The following RUFY3 variants were observed in gnomAD, a reference collection of about 807,000 sequenced individuals.
The protein encoded by RUFY3 is protein RUFY3.
In RUFY3, 34 loss-of-function variants were observed where a neutral mutation model predicts 84.0. The observed-to-expected ratio is 0.40, with a 90% CI of 0.31 to 0.54. RUFY3 has a LOEUF of 0.54. Among genes scored for constraint, RUFY3 ranks in the 20% least tolerant of loss-of-function variants. The pLI is 0.39. For missense variants in RUFY3, 507 were observed against 736.8 expected (o/e 0.69, Z 3.61); for synonymous variants, 242 against 252.9 (o/e 0.96, Z 0.41).
intron 1 of RUFY3, among the ~76,000 whole-genome samples, chr4:70,716,320 A>G (rs936446647): frequency 5.9e-5 from 9 of 151,420 alleles, no homozygotes; most frequent in African/African-American, 2.2e-4. Context: ...TAATTTTTGT[A>G]TTTTTACTAG....
intron 1 of RUFY3, among the ~76,000 whole-genome samples, chr4:70,755,833 C>T (rs773634616): frequency 2.0e-4 from 30 of 151,944 alleles, no homozygotes; most frequent in Non-Finnish European, 3.7e-4. Context: ...TGCCTGTAGT[C>T]CCAGCTACTC....
At chr4:70,706,267 G>A (rs183532038) in intron 1 of RUFY3, among the ~76,000 whole-genome samples, 3 of 152,256 alleles carry the variant, frequency 2.0e-5, no homozygotes, top group Non-Finnish European at 2.9e-5. Flanking sequence ...TGCCTGAAGC[G>A]ATGAGGGAAG....
rs757073456 is a variant in RUFY3, at chr4:70,775,213, A to G, written c.804A>G (p.Glu268=). 1 of 1,594,744 alleles carries G rather than the reference A, an allele frequency of 6.3e-7. No individual in the cohort carries two copies. The highest frequency in any genetic ancestry group is 8.6e-7 in the Non-Finnish European group (1 of 1,166,474). ...TAILDQKNYV[E]ELNRHLNATV... The stretch of plus-strand genomic sequence containing the variant: ...TTCTGGACCAGAAGAACTATGTAGA[A>G]GAACTGAACAGACATTTGAAGTAAA... Residue 268 remains glutamate (E), a synonymous_variant, in exon 7 of 18, where the codon GAA becomes GAG. Transcript: ENST00000381006.
At chr4:70,726,106 T>G (rs1019988945) in intron 1 of RUFY3, among the ~76,000 whole-genome samples, 1 of 152,112 alleles carries the variant, frequency 6.6e-6, no homozygotes. Flanking sequence ...TTTAAAATGG[T>G]CTGGGTAAGA....
chr4:70,751,590 T>C (rs1723142300), intron 1 of RUFY3, among the ~76,000 whole-genome samples: 1 of 152,226 alleles, frequency 6.6e-6, no homozygotes, highest in Non-Finnish European at 1.5e-5. Context: ...CATTCTTTTT[T>C]ACTAGGATTA....
chr4:70,775,961 A>AAAAAAAAAAAAAGAG (rs1727902205), intron 7 of RUFY3, among the ~76,000 whole-genome samples: 1 of 151,124 alleles, frequency 6.6e-6, no homozygotes, highest in African/African-American at 2.4e-5. Flanking sequence ...AAAAAAACGA[A>AAAAAAAAAAAAAGAG]AAAAAAGATA....
exon 1 of RUFY3, chr4:70,705,087 C>T (rs1216518331): frequency 1.5e-6 from 2 of 1,325,614 alleles, no homozygotes; most frequent in Non-Finnish European, 1.9e-6. Context: ...GCCGGCCTCC[C>T]CCGCCGGGCA....
chr4:70,770,602 TG>T (rs1297593618), intron 5 of RUFY3, among the ~76,000 whole-genome samples: 1 of 152,312 alleles, frequency 6.6e-6, no homozygotes, highest in East Asian at 1.9e-4. Flanking sequence ...CTGAATTAGG[TG>T]TTGGCTTAAG....
chr4:70,729,886 A>C (rs1368551453), intron 1 of RUFY3, among the ~76,000 whole-genome samples: 2,944 of 152,032 alleles, frequency 0.019, 109 homozygotes, highest in African/African-American at 0.067. Flanking sequence ...AATTGATTAA[A>C]AATCCACAAG....
chr4:70,791,380 G>A, intron 12 of RUFY3: 6 of 1,565,456 alleles, frequency 3.8e-6, no homozygotes, highest in Non-Finnish European at 5.2e-6. Context: ...CTACATTTAA[G>A]CTCTGATTCT....
intron 9 of RUFY3, among the ~76,000 whole-genome samples, chr4:70,783,555 A>G (rs1729290209): frequency 6.6e-6 from 1 of 152,234 alleles, no homozygotes; most frequent in Admixed American, 6.5e-5. Context: ...ACTGGGAAAG[A>G]GCTACCATAT....
intron 1 of RUFY3, among the ~76,000 whole-genome samples, chr4:70,744,697 C>T (rs1465345545): frequency 1.3e-5 from 2 of 150,374 alleles, no homozygotes; most frequent in African/African-American, 4.9e-5. Flanking sequence ...TCTTGTTGCC[C>T]AGGCTGGAGT....
At chr4:70,712,705 A>G (rs1376375912) in intron 1 of RUFY3, among the ~76,000 whole-genome samples, 2 of 152,214 alleles carry the variant, frequency 1.3e-5, no homozygotes, top group Non-Finnish European at 2.9e-5. Flanking sequence ...AACTGGATGA[A>G]ATAATTTTTT....
In RUFY3 at chr4:70,739,560, T is replaced by C. The variant is rs141173470; in HGVS notation, c.178+16809T>C. Reference sequence around the variant, plus strand: ...AAAATTAACACTAAATCAAAGACACTTGGTCTCAAGGGGACAAAATAACCC... The same window carrying C: ...AAAATTAACACTAAATCAAAGACACCTGGTCTCAAGGGGACAAAATAACCC... On this transcript the variant is annotated intron_variant, in intron 1 of 17. Transcript: ENST00000381006. Among the ~76,000 whole-genome samples, 26 of 152,278 alleles carry C rather than the reference T, an allele frequency of 1.7e-4. No homozygotes were observed. The East Asian group carries it at 4.8e-3, about 28-fold the overall frequency.
chr4:70,806,466 C>T, intron 17 of RUFY3, 50 bp from the exon 18 acceptor site: 2 of 1,607,168 alleles, frequency 1.2e-6, no homozygotes, highest in Non-Finnish European at 1.7e-6. Context: ...CCCATGAATC[C>T]TTATGCCTTG....
chr4:70,792,864 A>G (rs1731031259), intron 12 of RUFY3: 5 of 985,282 alleles, frequency 5.1e-6, no homozygotes, highest in Non-Finnish European at 6.0e-6. Context: ...AATTCTTATA[A>G]TTTGCACCTA....
chr4:70,808,264 G>A lies in RUFY3; in HGVS notation c.*1605G>A, dbSNP rs1733023256. On this transcript the variant is annotated 3_prime_UTR_variant, in exon 18 of 18. Transcript: ENST00000381006. ...GATGCAGAACCCATGGATATGGAGG[G>A]CTGACTGTACTTACTTACATATCTA... is the stretch of plus-strand genomic sequence containing the variant. 6.6e-6 allele frequency among the ~76,000 whole-genome samples: 1 copy of A among 152,038 alleles called. No homozygotes were observed. The highest frequency in any genetic ancestry group is 6.5e-5 in the Admixed American group (1 of 15,272).
intron 1 of RUFY3, among the ~76,000 whole-genome samples, chr4:70,736,608 AT>A (rs553176764): frequency 9.4e-5 from 14 of 148,434 alleles, no homozygotes; most frequent in Non-Finnish European, 1.9e-4. Context: ...TTTTGCTCTT[AT>A]TGTCTGGGCT....
chr4:70,778,476 T>G (rs1728332041), intron 8 of RUFY3, 38 bp downstream of exon 8: 6 of 1,102,818 alleles, frequency 5.4e-6, no homozygotes, highest in Non-Finnish European at 8.3e-6. Context: ...TTATAGAATT[T>G]AATATGCATT....
Sources: gnomAD v4.1 joint callset for allele counts (sites outside exome capture counted in the v4.1 genomes callset) on GRCh38, gnomAD v4.1.1 for gene constraint, MANE v1.5 for transcripts, NCBI Gene and HGNC (gene_info 2026-07-23, HGNC 2026-07-21) for gene names.